TSC2: variants seen among roughly 807,000 people sequenced by gnomAD.
TSC2 encodes the protein tuberin.
TSC2 carries 29 observed loss-of-function variants against 202.2 expected under a neutral mutation model. The observed-to-expected ratio is 0.14, with a 90% confidence interval of 0.11 to 0.20. The LOEUF (loss-of-function observed/expected upper bound fraction) is 0.20. Ranked by LOEUF, TSC2 falls within the 10% of genes least tolerant of loss-of-function variation. The probability of loss-of-function intolerance (pLI) is 1.00; values close to 1 mark genes in which losing one functional copy is unlikely to be tolerated. For missense variants in TSC2, 2,429 were observed against 2,420.0 expected (o/e 1.00, Z -0.08); for synonymous variants, 1,349 against 1,044.0 (o/e 1.29, Z -5.63).
rs752327718 is a variant in TSC2 at position 2,062,480 on chromosome 16, G to T, written c.1258-17G>T. 6.3e-7 allele frequency: 1 copy of T among 1,599,620 alleles called. No individual in the cohort carries two copies. The highest frequency in any genetic ancestry group is 1.1e-5 in the South Asian group (1 of 88,744). ...GCCGGAGGGGCAGAGGGGCAACACC[G>T]GCTCTTCTTTTGACAGGAGTCCTCC... On this transcript the variant is annotated splice_polypyrimidine_tract_variant and intron_variant, in intron 12 of 41. Transcript: ENST00000219476.
intron 16 of TSC2, among the ~76,000 whole-genome samples, 177 bp downstream of exon 16, chr16:2,065,812 G>A (rs1193605657): frequency 6.6e-6 from 1 of 152,174 alleles, no homozygotes; most frequent in East Asian, 1.9e-4. Context: ...GTGGAGGGAT[G>A]GATGCAAGAG....
In TSC2 at chr16:2,079,222, C is replaced by A. The variant is rs371608199; in HGVS notation, c.3131+26C>A. 6.2e-7 allele frequency: 1 copy of A among 1,612,828 alleles called. No individual in the cohort carries two copies. Among genetic ancestry groups the A allele is most frequent in the Non-Finnish European group, 8.5e-7 (1 of 1,180,004 alleles). ...GTCCAGGCGGCACTACAGGGCTGGG[C>A]GGGCCTGCGGGAGCTCCACGGGCAA... On this transcript the variant is annotated intron_variant, in intron 27 of 41. Transcript: ENST00000219476. This position sits in a 1 kb window ranked among gnomAD's most constrained non-coding sequence, Gnocchi z 4.6.
At chr16:2,080,669 A>G (rs559180647) in intron 30 of TSC2, 3 of 412,604 alleles carry the variant, frequency 7.3e-6, no homozygotes, top group East Asian at 4.9e-5. Context: ...TATTTCTAGT[A>G]GAGATGGGGT....
At chr16:2,085,110 C>CT in intron 35 of TSC2, 84 bp downstream of exon 35, 1 of 1,604,104 alleles carries the variant, frequency 6.2e-7, no homozygotes, top group Non-Finnish European at 8.5e-7. Flanking sequence ...CTGCTGGGAG[C>CT]TCAGGCTTGC....
intron 2 of TSC2, 63 bp downstream of exon 2, chr16:2,048,816 C>G (rs995435589): frequency 1.2e-6 from 2 of 1,610,862 alleles, no homozygotes; most frequent in Non-Finnish European, 8.5e-7. Flanking sequence ...TGGGTTTGGT[C>G]TTGCACCAGG....
chr16:2,057,412 C>T (rs750541450), intron 9 of TSC2, among the ~76,000 whole-genome samples: 21 of 152,178 alleles, frequency 1.4e-4, no homozygotes, highest in Non-Finnish European at 2.4e-4. Context: ...GCCCCATGCT[C>T]GGACGTCCTC....
chr16:2,059,954 C>T (rs370543189), intron 10 of TSC2, among the ~76,000 whole-genome samples: 7 of 152,212 alleles, frequency 4.6e-5, no homozygotes, highest in East Asian at 3.9e-4. Context: ...AGCCACTGCG[C>T]GCAGCCCAAA....
intron 31 of TSC2, 69 bp downstream of exon 31, chr16:2,081,867 G>A: frequency 1.9e-6 from 3 of 1,573,022 alleles, no homozygotes; most frequent in Middle Eastern, 2.3e-4. Flanking sequence ...TGACGGCAAT[G>A]TGGCTCCTCT....
At chr16:2,080,053 C>G (rs2089932691) in intron 29 of TSC2, 112 bp from the exon 30 acceptor site, 2 of 1,448,284 alleles carry the variant, frequency 1.4e-6, no homozygotes, top group Admixed American at 1.7e-5. Context: ...CTGCCACCGT[C>G]TCTGGCTGCC....
chr16:2,048,513 G>A, intron 1 of TSC2, 74 bp from the exon 2 acceptor site: 1 of 1,587,188 alleles, frequency 6.3e-7, no homozygotes, highest in South Asian at 1.1e-5. Context: ...GGGTCCTGAC[G>A]GCTGGAGGTC....
rs143022087 is a variant in TSC2, at chr16:2,080,641, G to A, written c.3610+264G>A. On this transcript the variant is annotated intron_variant, in intron 30 of 41. Coordinates refer to ENST00000219476, the MANE Select transcript of TSC2 (RefSeq NM_000548.5). ...TGGGACCACAGGCGCCCGCCACCAC[G>A]CCTGGCCAATTTTTTTGTATTTCTA... 8.6e-3 allele frequency: 4,150 copies of A among 481,978 alleles called. 26 individuals carry two copies. The highest frequency in any genetic ancestry group is 0.016 in the Middle Eastern group (28 of 1,718). The allele number at this position is 481,978 out of a possible 1,614,324, so 29.9% of individuals were successfully genotyped here. A position where few individuals can be genotyped will look rare whatever the true frequency, so the allele number is the denominator to read the frequency against.
intron 16 of TSC2, 37 bp downstream of exon 16, chr16:2,065,672 C>T (rs766100684): frequency 1.9e-5 from 30 of 1,569,006 alleles, no homozygotes; most frequent in Admixed American, 8.3e-5. Flanking sequence ...TCCCGGGGCG[C>T]GCATGGCTAG....
At position 2,063,614 on chromosome 16, in the gene TSC2, G is replaced by A. The variant is rs141824162; in HGVS notation, c.1443+561G>A. On this transcript the variant is annotated intron_variant, in intron 14 of 41. Coordinates refer to ENST00000219476, the MANE Select transcript of TSC2 (RefSeq NM_000548.5). ...CCACCGAACTCCTCCCTGCAGCCTCGCAGTCCTGCCCTCCTGAGAGCTGCC... is the reference window on the plus strand; with the variant it reads ...CCACCGAACTCCTCCCTGCAGCCTCACAGTCCTGCCCTCCTGAGAGCTGCC... 7.0e-5 allele frequency: 16 copies of A among 228,496 alleles called. No homozygotes were observed. The East Asian group carries it at 1.7e-3, about 24-fold the overall frequency. The allele number at this position is 228,496 out of a possible 1,614,324, so 14.2% of individuals were successfully genotyped here. A position where few individuals can be genotyped will look rare whatever the true frequency, so the allele number is the denominator to read the frequency against.
rs558710500 is a variant in TSC2 at position 2,082,170 on chromosome 16, C to T, written c.3815-266C>T. 4.7e-5 allele frequency: 28 copies of T among 597,272 alleles called. 1 individual carries two copies. Among genetic ancestry groups the T allele is most frequent in the Admixed American group, 4.1e-4 (14 of 33,954 alleles). 37.0% of individuals were successfully genotyped at this position (597,272 alleles called of 1,614,324 possible). A position where few individuals can be genotyped will look rare whatever the true frequency, so the allele number is the denominator to read the frequency against. ...TCTGGGCCCCCACCCCACTCGGCAC[C>T]GTGCTTCTCGCCAGGCCCTCTGGCT... On this transcript the variant is annotated intron_variant, in intron 31 of 41. Transcript: ENST00000219476.
intron 25 of TSC2, 80 bp downstream of exon 25, chr16:2,076,665 C>A: frequency 1.4e-6 from 2 of 1,446,846 alleles, no homozygotes; most frequent in Non-Finnish European, 1.9e-6. Flanking sequence ...ACGGTGCCTC[C>A]AAGTCAGTGA....
rs1412545821 is a variant in TSC2 at position 2,086,732 on chromosome 16, C to G, written c.4850C>G (p.Ala1617Gly). ...TYCWHDDIMQ[A>G]VFHIATLMPT... ...CCCATCCGGCCCTGCTCACCCTCAG[C>G]CGTCTTCCACATCGCCACCCTGATG... Residue 1617 changes from alanine to glycine, a missense_variant and splice_region_variant, in exon 38 of 42, where the codon GCC becomes GGC. Transcript: ENST00000219476. 6.2e-7 allele frequency: 1 copy of G among 1,609,728 alleles called. No homozygotes were observed. The highest frequency in any genetic ancestry group is 1.3e-5 in the African/African-American group (1 of 74,882).
At chr16:2,077,893 C>T (rs1004655050) in intron 26 of TSC2, among the ~76,000 whole-genome samples, 167 bp downstream of exon 26, 3 of 152,178 alleles carry the variant, frequency 2.0e-5, no homozygotes, top group African/African-American at 7.2e-5. Flanking sequence ...ATTCTGTCCC[C>T]AGGCCCCGTA....
intron 11 of TSC2, chr16:2,061,413 C>T (rs2151147178): frequency 3.2e-6 from 1 of 317,242 alleles, no homozygotes; most frequent in Admixed American, 4.2e-5. Flanking sequence ...AGCATTGCCC[C>T]CGACCGCTGG....
chr16:2,071,430 T>C, intron 17 of TSC2, 80 bp from the exon 18 acceptor site: 4 of 1,459,976 alleles, frequency 2.7e-6, no homozygotes, highest in Non-Finnish European at 3.8e-6. Context: ...GTGCTGGACG[T>C]GGGTCTGAGC....
Sources: allele counts gnomAD v4.1 joint callset (sites outside exome capture counted in the v4.1 genomes callset), GRCh38; gene constraint gnomAD v4.1.1; non-coding constraint Gnocchi (gnomAD v3.1); transcripts MANE v1.5; gene names NCBI Gene and HGNC (gene_info 2026-07-23, HGNC 2026-07-21).